The following PCSK5 variants were observed in gnomAD, a reference collection of about 807,000 sequenced individuals.
PCSK5 encodes proprotein convertase subtilisin/kexin type 5.
PCSK5 carries 129 observed loss-of-function variants against 233.2 expected under a neutral mutation model. The ratio of observed to expected loss-of-function variants is 0.55; its 90% CI spans 0.48 to 0.64. PCSK5 has a LOEUF of 0.64. PCSK5 is among the 30% of genes least tolerant of loss of function. The pLI is 0.00. For missense variants in PCSK5, 2,076 were observed against 2,430.1 expected, an observed-to-expected ratio of 0.85 and a Z score of 3.06; for synonymous variants, 825 against 879.2, an observed-to-expected ratio of 0.94 and a Z score of 1.09.
chr9:76,050,383 A>G (rs538313099), intron 5 of PCSK5, among the ~76,000 whole-genome samples: 1 of 152,356 alleles, frequency 6.6e-6, no homozygotes, highest in South Asian at 2.1e-4. Context: ...CACAAAAATC[A>G]AAATTATAAT....
intron 5 of PCSK5, among the ~76,000 whole-genome samples, chr9:76,050,643 A>G (rs181489679): frequency 3.0e-4 from 46 of 152,336 alleles, no homozygotes; most frequent in African/African-American, 1.0e-3. Flanking sequence ...AGAAATTCTT[A>G]TAACACCTTG....
At chr9:76,184,614 G>C in intron 16 of PCSK5, 59 bp from the exon 17 acceptor site, 1 of 1,107,614 alleles carries the variant, frequency 9.0e-7, no homozygotes, top group South Asian at 1.3e-5. Flanking sequence ...GAACATCTCT[G>C]ATGCTTTTAT....
intron 10 of PCSK5, among the ~76,000 whole-genome samples, chr9:76,146,326 T>C (rs1490163956): frequency 1.3e-5 from 2 of 150,470 alleles, no homozygotes; most frequent in African/African-American, 4.9e-5. Context: ...TTAGCTCTAA[T>C]AAAAAAAAAT....
chr9:76,277,001 G>T (rs538378032), intron 24 of PCSK5, among the ~76,000 whole-genome samples: 1 of 152,138 alleles, frequency 6.6e-6, no homozygotes, highest in African/African-American at 2.4e-5. Context: ...GCCAAGGCGG[G>T]TGGATCACCT....
At chr9:75,890,092 G>C (rs1825504080), upstream of PCSK5, among the ~76,000 whole-genome samples, 1 of 152,166 alleles carries the variant, frequency 6.6e-6, no homozygotes, top group Admixed American at 6.5e-5. Flanking sequence ...GCGTTGCCTA[G>C]TATCGCAGAT....
At chr9:76,191,911 T>C (rs910777180) in intron 20 of PCSK5, among the ~76,000 whole-genome samples, 1 of 150,506 alleles carries the variant, frequency 6.6e-6, no homozygotes, top group African/African-American at 2.5e-5. Context: ...AAACCCCATC[T>C]CTACTAAAAA....
chr9:76,310,239 C>A, intron 29 of PCSK5, among the ~76,000 whole-genome samples: 1 of 146,222 alleles, frequency 6.8e-6, no homozygotes, highest in African/African-American at 2.6e-5. Context: ...TAGAGCAAGA[C>A]TCCTTCTCAA....
chr9:75,954,315 CT>C (rs537258073), intron 2 of PCSK5, among the ~76,000 whole-genome samples: 15 of 152,128 alleles, frequency 9.9e-5, no homozygotes, highest in Non-Finnish European at 1.8e-4. Context: ...AATACTCTGT[CT>C]TTGTGTTTGT....
chr9:76,097,252 T>TTTTTTTTTG, intron 8 of PCSK5, among the ~76,000 whole-genome samples: 1 of 117,368 alleles, frequency 8.5e-6, no homozygotes, highest in African/African-American at 3.7e-5. Context: ...ATTTCTTTTT[T>TTTTTTTTTG]TTTTTTTTTT....
intron 24 of PCSK5, among the ~76,000 whole-genome samples, chr9:76,283,734 G>A (rs759763259): frequency 1.3e-5 from 2 of 152,156 alleles, no homozygotes; most frequent in Non-Finnish European, 2.9e-5. Context: ...TAGAAAGTTT[G>A]CTCCGGGGAA....
chr9:76,329,532 G>T (rs1254298214), intron 33 of PCSK5, among the ~76,000 whole-genome samples: 1 of 151,812 alleles, frequency 6.6e-6, no homozygotes, highest in Non-Finnish European at 1.5e-5. Context: ...CAATATCAAT[G>T]CTTTAGAAAA....
At chr9:75,941,917 C>T (rs1181887372) in intron 2 of PCSK5, among the ~76,000 whole-genome samples, 1 of 152,222 alleles carries the variant, frequency 6.6e-6, no homozygotes, top group Non-Finnish European at 1.5e-5. Flanking sequence ...AAGTTTTGAT[C>T]AAAGACCCAA....
chr9:76,272,801 A>T (rs937356041), intron 24 of PCSK5, among the ~76,000 whole-genome samples: 2 of 149,520 alleles, frequency 1.3e-5, no homozygotes, highest in Admixed American at 1.3e-4. Context: ...AAAAAAAAAA[A>T]ATTCACACTC....
intron 3 of PCSK5, among the ~76,000 whole-genome samples, chr9:76,021,984 A>G (rs1184433239): frequency 6.6e-6 from 1 of 152,024 alleles, no homozygotes; most frequent in African/African-American, 2.4e-5. Context: ...CTGCCTTACC[A>G]TCTTTGCATT....
At chr9:76,171,171 AC>A (rs1325028333) in intron 13 of PCSK5, among the ~76,000 whole-genome samples, 1 of 152,110 alleles carries the variant, frequency 6.6e-6, no homozygotes, top group African/African-American at 2.4e-5. Context: ...GAGTTTCTAG[AC>A]CCTTTCACCT....
intron 7 of PCSK5, among the ~76,000 whole-genome samples, chr9:76,074,255 A>G (rs948883216): frequency 6.6e-6 from 1 of 152,222 alleles, no homozygotes; most frequent in African/African-American, 2.4e-5. Context: ...AACCCTTAAG[A>G]ATAGAACTCA....
chr9:75,978,419 A>G (rs1411196056), intron 2 of PCSK5, among the ~76,000 whole-genome samples: 1 of 152,210 alleles, frequency 6.6e-6, no homozygotes, highest in Non-Finnish European at 1.5e-5. Flanking sequence ...AGGTAATTCC[A>G]TTTTACAAAT....
At chr9:76,267,490 G>A (rs1827370728) in intron 24 of PCSK5, among the ~76,000 whole-genome samples, 1 of 152,192 alleles carries the variant, frequency 6.6e-6, no homozygotes, top group Admixed American at 6.5e-5. Context: ...CTGGAATGTT[G>A]TTAAAGTAGT....
intron 36 of PCSK5, among the ~76,000 whole-genome samples, chr9:76,352,237 C>T (rs956890755): frequency 6.6e-6 from 1 of 152,154 alleles, no homozygotes; most frequent in Non-Finnish European, 1.5e-5. Flanking sequence ...CTGATGTTGC[C>T]ATGGCATTTG....
Sources: gnomAD v4.1 joint callset for allele counts (sites outside exome capture counted in the v4.1 genomes callset) on GRCh38, gnomAD v4.1.1 for gene constraint, MANE v1.5 for transcripts, NCBI Gene and HGNC (gene_info 2026-07-23, HGNC 2026-07-21) for gene names.